Variants in UNC5D observed in about 807,000 individuals in gnomAD.
UNC5D encodes the protein netrin receptor UNC5D.
UNC5D carries 39 observed loss-of-function variants against 105.4 expected under a neutral mutation model. The observed-to-expected ratio is 0.37, with a 90% CI of 0.29 to 0.48. UNC5D has a LOEUF of 0.48. UNC5D is among the 20% of genes least tolerant of loss of function. UNC5D has a pLI of 0.98. For synonymous variants in UNC5D, 452 were observed against 450.4 expected (o/e 1.00, Z -0.04); for missense variants, 991 against 1,202.4 (o/e 0.82, Z 2.60).
At chr8:35,694,882 A>T (rs888017860) in intron 7 of UNC5D, among the ~76,000 whole-genome samples, 1 of 152,150 alleles carries the variant, frequency 6.6e-6, no homozygotes, top group African/African-American at 2.4e-5. Flanking sequence ...TGCCCAGCAC[A>T]TGTGTGTGTT....
At chr8:35,692,855 T>A (rs1479588010) in intron 7 of UNC5D, among the ~76,000 whole-genome samples, 1 of 152,224 alleles carries the variant, frequency 6.6e-6, no homozygotes, top group Non-Finnish European at 1.5e-5. Context: ...ACACAAAGAC[T>A]TTTTCCTAGA....
chr8:35,499,279 A>G (rs926402424), intron 1 of UNC5D, among the ~76,000 whole-genome samples: 2 of 152,242 alleles, frequency 1.3e-5, no homozygotes, highest in Non-Finnish European at 2.9e-5. Context: ...GCTGGTAGGC[A>G]CCTACATGAA....
rs147848703 is a variant in UNC5D, at chr8:35,705,518, T to A, written c.1085-411T>A. Among the ~76,000 whole-genome samples, 262 of 152,326 alleles carry A rather than the reference T, an allele frequency of 1.7e-3. 1 individual carries two copies. The highest frequency in any genetic ancestry group is 6.0e-3 in the African/African-American group (250 of 41,572). On this transcript the variant is annotated intron_variant, in intron 7 of 16. Transcript: ENST00000404895. Reference sequence around the variant, plus strand: ...GTGATCACTGCAAACCAAGGCAGGATCCCTTTAAATATTTATTTGCTGGTT... The same window carrying A: ...GTGATCACTGCAAACCAAGGCAGGAACCCTTTAAATATTTATTTGCTGGTT...
intron 1 of UNC5D, among the ~76,000 whole-genome samples, chr8:35,240,650 C>T (rs1047766405): frequency 1.3e-5 from 2 of 152,138 alleles, no homozygotes; most frequent in Non-Finnish European, 2.9e-5. Flanking sequence ...AGATTTGTAC[C>T]TACTCCATCT....
At chr8:35,709,357 G>A (rs1446788453) in intron 8 of UNC5D, among the ~76,000 whole-genome samples, 1 of 152,186 alleles carries the variant, frequency 6.6e-6, no homozygotes, top group African/African-American at 2.4e-5. Context: ...GTTAGAGTGA[G>A]TGATGCTTTT....
chr8:35,790,869 T>C lies in UNC5D; in HGVS notation c.*306T>C. On this transcript the variant is annotated 3_prime_UTR_variant, in exon 17 of 17. Transcript: ENST00000404895. ...AGTAGCTGTGGGAAAAGATGAGCTATGATAATGCTGGGAAGGCAGAGATTG... is the reference window on the plus strand; with the variant it reads ...AGTAGCTGTGGGAAAAGATGAGCTACGATAATGCTGGGAAGGCAGAGATTG... The C allele has an allele frequency of 2.5e-6, 1 of 404,274 alleles. No homozygotes were observed. Among genetic ancestry groups the C allele is most frequent in the Admixed American group, 3.8e-5 (1 of 26,592 alleles). 25.0% of individuals were successfully genotyped at this position (404,274 alleles called of 1,614,324 possible). A position where few individuals can be genotyped will look rare whatever the true frequency, so the allele number is the denominator to read the frequency against.
chr8:35,435,645 T>A (rs1563415610), intron 1 of UNC5D, among the ~76,000 whole-genome samples: 2 of 152,066 alleles, frequency 1.3e-5, no homozygotes, highest in South Asian at 4.1e-4. Context: ...AAATAACTCA[T>A]AAGGGCCAAA....
chr8:35,348,216 GTGT>G (rs1460277882), intron 1 of UNC5D, among the ~76,000 whole-genome samples: 3 of 151,776 alleles, frequency 2.0e-5, no homozygotes, highest in Non-Finnish European at 4.4e-5. Flanking sequence ...GTCATTAGTG[GTGT>G]TGTTTTACCA....
At chr8:35,670,223 T>C (rs1586382496) in intron 4 of UNC5D, among the ~76,000 whole-genome samples, 2 of 152,198 alleles carry the variant, frequency 1.3e-5, no homozygotes, top group East Asian at 3.9e-4. Flanking sequence ...ATGTAATAGC[T>C]TGAAAATCCT....
chr8:35,669,906 C>T (rs1824667500), intron 4 of UNC5D, among the ~76,000 whole-genome samples: 1 of 151,990 alleles, frequency 6.6e-6, no homozygotes, highest in South Asian at 2.1e-4. Flanking sequence ...TCTCTGAGTA[C>T]CAGAGTCTGT....
At chr8:35,783,150 GAAAA>G in intron 16 of UNC5D, among the ~76,000 whole-genome samples, 1 of 130,276 alleles carries the variant, frequency 7.7e-6, no homozygotes, top group African/African-American at 2.9e-5. Flanking sequence ...CTTGGAGAAA[GAAAA>G]AAAAAAAAGA....
intron 1 of UNC5D, among the ~76,000 whole-genome samples, chr8:35,496,524 C>T (rs1811604791): frequency 6.6e-6 from 1 of 152,018 alleles, no homozygotes; most frequent in African/African-American, 2.4e-5. Flanking sequence ...AAATAGTTTG[C>T]TAGGCTAACG....
In UNC5D at chr8:35,750,822, T is replaced by TTTAATAA; in HGVS notation, c.2163+16_2163+22dup. ...TTGTGCATTTCAGGTTAGCCTTTGT[T>TTTAATAA]TTAATAATTTTCTTTTGGTGTCATG... On this transcript the variant is annotated intron_variant, in intron 13 of 16. Coordinates refer to ENST00000404895, the MANE Select transcript of UNC5D (RefSeq NM_080872.4). The TTTAATAA allele has an allele frequency of 6.2e-7, 1 of 1,613,076 alleles. No homozygotes were observed. The highest frequency in any genetic ancestry group is 8.5e-7 in the Non-Finnish European group (1 of 1,179,110).
At chr8:35,722,046 A>G (rs1462712931) in intron 8 of UNC5D, among the ~76,000 whole-genome samples, 164 bp from the exon 9 acceptor site, 1 of 152,258 alleles carries the variant, frequency 6.6e-6, no homozygotes, top group Admixed American at 6.5e-5. Flanking sequence ...TTTTAGAAAC[A>G]CGATTACTGT....
chr8:35,632,166 T>C lies in UNC5D; in HGVS notation c.570+36509T>C, dbSNP rs544114743. The stretch of plus-strand genomic sequence containing the variant: ...ACCAGTGTCAAATCTGTAGCTCTGC[T>C]GTCACTGGATATGCATTCATTTGGG... On this transcript the variant is annotated intron_variant, in intron 4 of 16. Coordinates refer to ENST00000404895, the MANE Select transcript of UNC5D (RefSeq NM_080872.4). Among the ~76,000 whole-genome samples the C allele has an allele frequency of 3.3e-5, 5 of 152,376 alleles. No homozygotes were observed. In the East Asian group the frequency reaches 5.8e-4, roughly 18 times the overall value.
chr8:35,517,159 C>T (rs569299167), intron 1 of UNC5D, among the ~76,000 whole-genome samples: 2 of 152,054 alleles, frequency 1.3e-5, no homozygotes, highest in Non-Finnish European at 2.9e-5. Context: ...CCCTTTAGGC[C>T]TCCCCTCCCC....
intron 4 of UNC5D, among the ~76,000 whole-genome samples, chr8:35,610,923 A>G (rs1023601791): frequency 2.6e-5 from 4 of 151,420 alleles, no homozygotes; most frequent in Non-Finnish European, 5.9e-5. Flanking sequence ...TTTGTAATGC[A>G]ATTAATTAGC....
chr8:35,313,691 T>A (rs1809068460), intron 1 of UNC5D, among the ~76,000 whole-genome samples: 1 of 152,156 alleles, frequency 6.6e-6, no homozygotes, highest in Non-Finnish European at 1.5e-5. Flanking sequence ...CAGGTGCAAA[T>A]CCTGGCTCTG....
chr8:35,286,599 C>A (rs1488007484), intron 1 of UNC5D, among the ~76,000 whole-genome samples: 1 of 152,142 alleles, frequency 6.6e-6, no homozygotes, highest in African/African-American at 2.4e-5. Context: ...TCTGGTCCTG[C>A]CCAAGCCTAG....
Sources: gnomAD v4.1 joint callset for allele counts (sites outside exome capture counted in the v4.1 genomes callset) on GRCh38, gnomAD v4.1.1 for gene constraint, MANE v1.5 for transcripts, NCBI Gene and HGNC (gene_info 2026-07-23, HGNC 2026-07-21) for gene names.